RGL1: variants seen among roughly 807,000 people sequenced by gnomAD.
RGL1 encodes ral guanine nucleotide dissociation stimulator like 1.
A neutral mutation model predicts 95.2 loss-of-function variants in RGL1; 24 were observed. The observed-to-expected ratio is 0.25, with a 90% CI of 0.18 to 0.35. RGL1 has a LOEUF of 0.35. RGL1 is among the 10% of genes least tolerant of loss of function. RGL1 has a pLI of 1.00. For synonymous variants in RGL1, 329 were observed against 344.9 expected (o/e 0.95, Z 0.51); for missense variants, 715 against 936.3 (o/e 0.76, Z 3.08).
chr1:183,682,245 T>C (rs1653269245), intron 1 of RGL1, among the ~76,000 whole-genome samples: 1 of 152,204 alleles, frequency 6.6e-6, no homozygotes, highest in Admixed American at 6.5e-5. Flanking sequence ...TCTCTAGTTC[T>C]TTTAATTGTG....
intron 1 of RGL1, chr1:183,648,234 C>G: frequency 6.2e-7 from 1 of 1,614,188 alleles, no homozygotes; most frequent in South Asian, 1.1e-5. Context: ...CAAAACAACC[C>G]GCGGCCATAA....
At chr1:183,720,985 G>A (rs1258311645) in intron 1 of RGL1, among the ~76,000 whole-genome samples, 2 of 152,236 alleles carry the variant, frequency 1.3e-5, no homozygotes, top group East Asian at 1.9e-4. Context: ...TCAAGTTTGC[G>A]AGGGAAATAA....
intron 1 of RGL1, among the ~76,000 whole-genome samples, chr1:183,723,194 C>T (rs958679229): frequency 6.6e-6 from 1 of 152,104 alleles, no homozygotes; most frequent in African/African-American, 2.4e-5. Flanking sequence ...AGCCAATAAA[C>T]CAATAGTATT....
chr1:183,898,495 TCTGA>T (rs1177143339), intron 10 of RGL1, among the ~76,000 whole-genome samples: 2 of 152,234 alleles, frequency 1.3e-5, no homozygotes, highest in Non-Finnish European at 2.9e-5. Context: ...ATTTTAAACT[TCTGA>T]CTGTTAGCAT....
chr1:183,828,863 C>T (rs760749920), intron 2 of RGL1, among the ~76,000 whole-genome samples: 1 of 152,106 alleles, frequency 6.6e-6, no homozygotes, highest in Non-Finnish European at 1.5e-5. Context: ...CAGTCAATGA[C>T]AATGGAAAAA....
chr1:183,908,295 C>T (rs772431283), intron 14 of RGL1, among the ~76,000 whole-genome samples: 9 of 152,076 alleles, frequency 5.9e-5, no homozygotes, highest in African/African-American at 9.7e-5. Flanking sequence ...GCCATGTCCC[C>T]GGTGTAACAT....
intron 2 of RGL1, among the ~76,000 whole-genome samples, chr1:183,798,293 C>A (rs764007553): frequency 4.6e-5 from 7 of 152,162 alleles, no homozygotes; most frequent in Non-Finnish European, 8.8e-5. Flanking sequence ...AAGGCCTTCT[C>A]ATTTCTTACC....
At chr1:183,828,385 T>C (rs1229259497) in intron 2 of RGL1, among the ~76,000 whole-genome samples, 3 of 152,218 alleles carry the variant, frequency 2.0e-5, no homozygotes, top group African/African-American at 7.2e-5. Context: ...TTGTGATTTA[T>C]TTACAGCATC....
intron 2 of RGL1, among the ~76,000 whole-genome samples, chr1:183,762,647 C>G (rs1658752464): frequency 2.0e-5 from 3 of 152,214 alleles, no homozygotes; most frequent in South Asian, 4.1e-4. Flanking sequence ...AGAAGCTCAT[C>G]ATCACTGGTC....
At chr1:183,842,361 C>G (rs2102521059) in intron 2 of RGL1, among the ~76,000 whole-genome samples, 1 of 151,536 alleles carries the variant, frequency 6.6e-6, no homozygotes, top group African/African-American at 2.4e-5. Context: ...TAGAAACACC[C>G]AACTGGTTAA....
chr1:183,804,031 A>T (rs1036505491), upstream of RGL1, among the ~76,000 whole-genome samples: 2 of 152,144 alleles, frequency 1.3e-5, no homozygotes, highest in African/African-American at 4.8e-5. Context: ...GATGTTCTCA[A>T]GTGTCCACAG....
upstream of RGL1, among the ~76,000 whole-genome samples, chr1:183,803,181 A>G (rs1443247797): frequency 3.3e-5 from 5 of 152,220 alleles, no homozygotes; most frequent in Admixed American, 2.6e-4. Flanking sequence ...AAGTAATTCC[A>G]TGAGAAGACA....
chr1:183,702,762 A>T (rs1398080900), intron 1 of RGL1, among the ~76,000 whole-genome samples: 1 of 152,198 alleles, frequency 6.6e-6, no homozygotes, highest in Non-Finnish European at 1.5e-5. Flanking sequence ...ACACAGATGA[A>T]TTGTCAGAAT....
At chr1:183,830,150 T>C (rs1052436672) in intron 2 of RGL1, among the ~76,000 whole-genome samples, 2 of 152,166 alleles carry the variant, frequency 1.3e-5, no homozygotes, top group Non-Finnish European at 2.9e-5. Flanking sequence ...CTTATGAGGA[T>C]TTAATGACTG....
At chr1:183,651,398 A>G (rs1201792081) in intron 1 of RGL1, among the ~76,000 whole-genome samples, 1 of 152,202 alleles carries the variant, frequency 6.6e-6, no homozygotes, top group African/African-American at 2.4e-5. Flanking sequence ...GGCCTCTCAT[A>G]TGGAAGTGCT....
chr1:183,843,895 C>T (rs1260078375), intron 2 of RGL1, among the ~76,000 whole-genome samples: 1 of 152,060 alleles, frequency 6.6e-6, no homozygotes, highest in African/African-American at 2.4e-5. Context: ...GGCACAATCT[C>T]CAGCCCACTG....
chr1:183,801,672 T>G (rs1661000301), upstream of RGL1, among the ~76,000 whole-genome samples: 1 of 152,172 alleles, frequency 6.6e-6, no homozygotes, highest in Non-Finnish European at 1.5e-5. Flanking sequence ...GAAAAGAAGT[T>G]TATTTGGCTC....
chr1:183,883,688 G>C, intron 5 of RGL1, 98 bp from the exon 6 acceptor site: 2 of 1,362,126 alleles, frequency 1.5e-6, no homozygotes, highest in Non-Finnish European at 2.0e-6. Context: ...TGGAGGATTG[G>C]CCCTCTTCTT....
At chr1:183,909,114 T>G (rs148282173) in intron 14 of RGL1, among the ~76,000 whole-genome samples, 1 of 152,246 alleles carries the variant, frequency 6.6e-6, no homozygotes, top group Non-Finnish European at 1.5e-5. Flanking sequence ...CCTTGGTATC[T>G]GCAGTTGAGT....
Sources: allele counts gnomAD v4.1 joint callset (sites outside exome capture counted in the v4.1 genomes callset), GRCh38; gene constraint gnomAD v4.1.1; transcripts MANE v1.5; gene names NCBI Gene and HGNC (gene_info 2026-07-23, HGNC 2026-07-21).